DNAJC17: variants seen among roughly 807,000 people sequenced by gnomAD.
DNAJC17 encodes the protein DnaJ heat shock protein family (Hsp40) member C17.
In DNAJC17, 35 loss-of-function variants were observed where a neutral mutation model predicts 48.1. The ratio of observed to expected loss-of-function variants is 0.73; its 90% confidence interval spans 0.56 to 0.96. The LOEUF (loss-of-function observed/expected upper bound fraction) is 0.96, where lower values mean the gene tolerates loss of function less well. Ranked by LOEUF, DNAJC17 falls within the 50% of genes least tolerant of loss-of-function variation. The pLI is 0.00. For missense variants in DNAJC17, 355 were observed against 377.1 expected, an observed-to-expected ratio of 0.94 and a Z score of 0.48; for synonymous variants, 117 against 142.7, an observed-to-expected ratio of 0.82 and a Z score of 1.28.
At chr15:40,779,055 T>C (rs1405531823) in intron 4 of DNAJC17, 168 bp downstream of exon 4, 2 of 700,334 alleles carry the variant, frequency 2.9e-6, no homozygotes, top group East Asian at 5.4e-5. Context: ...TTATTGTTAT[T>C]ATTCCTAAGA....
At position 40,787,884 on chromosome 15, in the gene DNAJC17, G is replaced by T. The variant is rs1215037711; in HGVS notation, c.79-7887C>A. 3.9e-5 allele frequency among the ~76,000 whole-genome samples: 6 copies of T among 152,270 alleles called. No homozygotes were observed. The East Asian group carries it at 7.7e-4, about 20-fold the overall frequency. ...GCCATCATTAACTTAAAAGAAAGGT[G>T]CCCTACAAAGAAGGGATCATTATTT... On this transcript the variant is annotated intron_variant, in intron 1 of 10. Coordinates refer to ENST00000220496, the MANE Select transcript of DNAJC17 (RefSeq NM_018163.3).
intron 1 of DNAJC17, among the ~76,000 whole-genome samples, chr15:40,797,417 CTT>C (rs869145933): frequency 2.1e-5 from 3 of 143,652 alleles, no homozygotes; most frequent in African/African-American, 7.6e-5. Context: ...AGATTTCTTT[CTT>C]TTTTTTTTTT....
intron 1 of DNAJC17, 124 bp downstream of exon 1, chr15:40,807,245 G>C: frequency 6.3e-7 from 1 of 1,576,796 alleles, no homozygotes; most frequent in Non-Finnish European, 8.6e-7. Flanking sequence ...GCATAGCGCC[G>C]ACCCTCGCTC....
At chr15:40,779,340 G>A (rs368445632) in intron 3 of DNAJC17, 30 bp from the exon 4 acceptor site, 61 of 1,611,304 alleles carry the variant, frequency 3.8e-5, no homozygotes, top group Non-Finnish European at 5.2e-5. Context: ...CAGGGCAGAG[G>A]GTCAGTGAGA....
At chr15:40,778,752 T>G (rs573090133) in intron 4 of DNAJC17, among the ~76,000 whole-genome samples, 13 of 152,106 alleles carry the variant, frequency 8.5e-5, no homozygotes, top group Admixed American at 7.2e-4. Context: ...CTGGCCAACA[T>G]GGTGAAACTC....
intron 1 of DNAJC17, among the ~76,000 whole-genome samples, chr15:40,798,410 TAG>T (rs1181155434): frequency 3.3e-5 from 5 of 152,174 alleles, no homozygotes; most frequent in African/African-American, 1.2e-4. Flanking sequence ...GGAAAAGTTG[TAG>T]AGATGGATGG....
At chr15:40,780,088 C>A in intron 1 of DNAJC17, 91 bp from the exon 2 acceptor site, 1 of 1,266,792 alleles carries the variant, frequency 7.9e-7, no homozygotes, top group Non-Finnish European at 1.1e-6. Context: ...GAATCCCATG[C>A]ACACCTAAAA....
intron 1 of DNAJC17, among the ~76,000 whole-genome samples, chr15:40,799,577 G>GC (rs1342771244): frequency 6.6e-6 from 1 of 152,070 alleles, no homozygotes; most frequent in Non-Finnish European, 1.5e-5. Flanking sequence ...TTCTGTAAAG[G>GC]CCCCCGGTTG....
At chr15:40,780,323 T>C (rs1199889842) in intron 1 of DNAJC17, 1 of 517,168 alleles carries the variant, frequency 1.9e-6, no homozygotes, top group Admixed American at 2.3e-5. Context: ...CTACACATTC[T>C]TGGTGGGCAT....
At chr15:40,796,579 T>C (rs1566829971) in intron 1 of DNAJC17, among the ~76,000 whole-genome samples, 1 of 152,176 alleles carries the variant, frequency 6.6e-6, no homozygotes, top group African/African-American at 2.4e-5. Context: ...GGATGGTTAT[T>C]ATCCAAAGAA....
Position 40,767,996 on chromosome 15 carries a change from G to T in DNAJC17, c.859C>A (p.Arg287=). Residue 287 remains arginine, a synonymous_variant, in exon 11 of 11, where the codon CGG becomes AGG. Coordinates refer to ENST00000220496, the MANE Select transcript of DNAJC17 (RefSeq NM_018163.3). ...TGCATCCGTGCGATCAGCTGTTGCCGCTCGGCCGCCTGGCGCATGCGCATC... is the reference window on the plus strand; with the variant it reads ...TGCATCCGTGCGATCAGCTGTTGCCTCTCGGCCGCCTGGCGCATGCGCATC... The part of the protein sequence containing the change: ...VMMRMRQAAE[R]QQLIARMQQE... 1.2e-6 allele frequency: 2 copies of T among 1,606,368 alleles called. No individual in the cohort carries two copies. Among genetic ancestry groups the T allele is most frequent in the Non-Finnish European group, 1.7e-6 (2 of 1,177,790 alleles).
chr15:40,774,883 T>C (rs925026729), intron 8 of DNAJC17, 148 bp downstream of exon 8: 2 of 777,050 alleles, frequency 2.6e-6, no homozygotes, highest in Non-Finnish European at 2.1e-6. Flanking sequence ...TGGGGAGAAG[T>C]CTCTAAGACG....
intron 1 of DNAJC17, among the ~76,000 whole-genome samples, chr15:40,783,353 T>A (rs1889555200): frequency 6.6e-6 from 1 of 152,160 alleles, no homozygotes; most frequent in African/African-American, 2.4e-5. Context: ...TGTTTGTTCC[T>A]GGCCTCTGGG....
At chr15:40,781,173 AAG>A (rs1202299182) in intron 1 of DNAJC17, among the ~76,000 whole-genome samples, 2 of 150,934 alleles carry the variant, frequency 1.3e-5, no homozygotes, top group East Asian at 3.9e-4. Context: ...AAAAAAAAAA[AAG>A]ATTATGATTG....
At chr15:40,790,771 G>C (rs1889778045) in intron 1 of DNAJC17, among the ~76,000 whole-genome samples, 1 of 152,188 alleles carries the variant, frequency 6.6e-6, no homozygotes, top group South Asian at 2.1e-4. Flanking sequence ...TGGTGTCATA[G>C]AAATGTGAGG....
At chr15:40,794,675 C>CA in intron 1 of DNAJC17, among the ~76,000 whole-genome samples, 1 of 151,954 alleles carries the variant, frequency 6.6e-6, no homozygotes, top group Admixed American at 6.6e-5. Flanking sequence ...TTTAAAAAAA[C>CA]AAAAAACAAA....
At chr15:40,804,583 G>A (rs2141966950) in intron 1 of DNAJC17, among the ~76,000 whole-genome samples, 1 of 152,116 alleles carries the variant, frequency 6.6e-6, no homozygotes, top group African/African-American at 2.4e-5. Flanking sequence ...ATGACAGTGA[G>A]ATCTTTTCTC....
intron 10 of DNAJC17, among the ~76,000 whole-genome samples, chr15:40,768,602 A>G (rs1889026595): frequency 1.3e-5 from 2 of 152,182 alleles, no homozygotes; most frequent in African/African-American, 4.8e-5. Flanking sequence ...CTCGAAGGGG[A>G]AAAAGGCAAG....
intron 10 of DNAJC17, among the ~76,000 whole-genome samples, chr15:40,768,926 C>T (rs902860140): frequency 2.0e-5 from 3 of 152,252 alleles, no homozygotes; most frequent in Non-Finnish European, 4.4e-5. Flanking sequence ...GTGGCCTGCC[C>T]GTAGCAGAGA....
Sources: allele counts gnomAD v4.1 joint callset (sites outside exome capture counted in the v4.1 genomes callset), GRCh38; gene constraint gnomAD v4.1.1; transcripts MANE v1.5; gene names NCBI Gene and HGNC (gene_info 2026-07-23, HGNC 2026-07-21).